The following GAK variants were observed in gnomAD, a reference collection of about 807,000 sequenced individuals.
GAK encodes the protein cyclin-G-associated kinase.
Under a neutral mutation model 143.9 loss-of-function variants are expected in GAK, and 79 were observed. The ratio of observed to expected loss-of-function variants is 0.55; its 90% CI spans 0.46 to 0.66. The LOEUF is 0.66. Among genes scored for constraint, GAK ranks in the 30% least tolerant of loss-of-function variants. The probability of loss-of-function intolerance (pLI) is 0.00; values close to 1 mark genes in which losing one functional copy is unlikely to be tolerated. For synonymous variants in GAK, 881 were observed against 765.5 expected (o/e 1.15, Z -2.49); for missense variants, 1,693 against 1,779.7 (o/e 0.95, Z 0.88).
intron 5 of GAK, among the ~76,000 whole-genome samples, chr4:902,513 A>G (rs1243490069): frequency 1.3e-5 from 2 of 148,174 alleles, no homozygotes; most frequent in African/African-American, 2.5e-5. Flanking sequence ...CAGGTGGGAG[A>G]TCACCTGGGC....
At chr4:888,742 G>T (rs1242843907) in intron 11 of GAK, 105 bp downstream of exon 11, 1 of 1,418,100 alleles carries the variant, frequency 7.1e-7, no homozygotes, top group African/African-American at 1.4e-5. Context: ...GGGCCCCTGT[G>T]GGGCCTGATG....
rs560376786 is a variant in GAK at position 859,492 on chromosome 4, G to A, written c.3283+114C>T. 26 of 1,601,492 alleles carry A rather than the reference G, an allele frequency of 1.6e-5. No individual in the cohort carries two copies. The African/African-American group carries it at 2.1e-4, about 13-fold the overall frequency. Reference sequence around the variant, plus strand: ...GGCTCACTGTGCTCTGGGCTTGGGGGTCTTAGTGAACAGAGGCAAAGACTT... The same window carrying A: ...GGCTCACTGTGCTCTGGGCTTGGGGATCTTAGTGAACAGAGGCAAAGACTT... On this transcript the variant is annotated intron_variant, in intron 24 of 27. Transcript: ENST00000314167.
chr4:864,611 G>A lies in GAK; in HGVS notation c.3166+511C>T, dbSNP rs559339105. On this transcript the variant is annotated intron_variant, in intron 23 of 27. Transcript: ENST00000314167. ...GCTCACAGACACGACTGCTGTACGT[G>A]ACCCCCTTCCTGACAGGGCACGGGG... Among the ~76,000 whole-genome samples, 18 of 152,262 alleles carry A rather than the reference G, an allele frequency of 1.2e-4. No homozygotes were observed. The South Asian group carries it at 3.1e-3, about 26-fold the overall frequency.
chr4:856,751 G>A (rs532966332), intron 24 of GAK, among the ~76,000 whole-genome samples: 1 of 152,220 alleles, frequency 6.6e-6, no homozygotes, highest in Non-Finnish European at 1.5e-5. Flanking sequence ...CACCACAGCT[G>A]GCTAATTCTT....
rs1302756961 is a variant in GAK, at chr4:865,158, C to T, written c.3130G>A (p.Ala1044Thr). The change falls in exon 23 of 28, where the codon GCA becomes ACA. Residue 1044 changes from alanine (A) to threonine (T), a missense_variant. By Grantham distance (58) the Ala-to-Thr change is moderately conservative (BLOSUM62 0). Around this residue, in one of 2 missense-constraint regions of GAK, gnomAD observed 822 missense variants for 788.7 expected, o/e 1.04. Coordinates refer to ENST00000314167, the MANE Select transcript of GAK (RefSeq NM_005255.4). The part of the protein sequence containing the change: ...LGGWAAWTET[A>T]ASAVAPTPAT... ...GGCGTGGGGGCCACTGCCGATGCTG[C>T]AGTCTCGGTCCAGGCAGCCCATCCT... 1.2e-6 allele frequency: 2 copies of T among 1,611,998 alleles called. No homozygotes were observed. The highest frequency in any genetic ancestry group is 8.5e-7 in the Non-Finnish European group (1 of 1,179,246).
intron 26 of GAK, 46 bp from the exon 27 acceptor site, chr4:850,114 C>T: frequency 1.3e-6 from 2 of 1,511,560 alleles, no homozygotes; most frequent in Non-Finnish European, 9.0e-7. Flanking sequence ...CCTGCCTGCC[C>T]TCCTCCTCTG....
At chr4:912,541 T>TAAA in intron 3 of GAK, 194 bp downstream of exon 3, 5 of 457,460 alleles carry the variant, frequency 1.1e-5, no homozygotes, top group Admixed American at 3.6e-5. Flanking sequence ...ACCCTGGCAG[T>TAAA]AAAAAAAAAA....
intron 15 of GAK, among the ~76,000 whole-genome samples, chr4:878,527 T>C (rs1231424204): frequency 2.0e-5 from 3 of 152,228 alleles, no homozygotes; most frequent in Non-Finnish European, 2.9e-5. Context: ...GGGTGGAACG[T>C]CCTAGAACGC....
At chr4:867,757 T>C (rs993918532) in intron 20 of GAK, among the ~76,000 whole-genome samples, 2 of 149,448 alleles carry the variant, frequency 1.3e-5, no homozygotes, top group Non-Finnish European at 3.0e-5. Flanking sequence ...CCAGCACCAA[T>C]GTCCCCATGG....
intron 26 of GAK, 24 bp downstream of exon 26, chr4:850,912 A>G (rs775385885): frequency 2.5e-6 from 4 of 1,606,270 alleles, no homozygotes; most frequent in South Asian, 1.1e-5. Context: ...CTGGGCTCCC[A>G]GGAAGAGCTG....
intron 5 of GAK, among the ~76,000 whole-genome samples, chr4:899,785 C>T (rs995986443): frequency 3.9e-5 from 6 of 152,220 alleles, no homozygotes; most frequent in African/African-American, 7.2e-5. Flanking sequence ...ACGCCTGCTC[C>T]GCGGACCAGC....
At position 881,899 on chromosome 4, in the gene GAK, C is replaced by T. The variant is rs773190980; in HGVS notation, c.1661+8G>A. 12 of 1,578,270 alleles carry T rather than the reference C, an allele frequency of 7.6e-6. No homozygotes were observed. In the Admixed American group the frequency reaches 1.1e-4, roughly 14 times the overall value. ...GCTGTCCCCTGTCCCCGGAGGGCCA[C>T]GCAGTACCTTTTGTGGGATGGCCAG... On this transcript the variant is annotated splice_region_variant and intron_variant, in intron 15 of 27. Transcript: ENST00000314167.
chr4:893,543 C>T, intron 8 of GAK, 54 bp from the exon 9 acceptor site: 2 of 1,310,724 alleles, frequency 1.5e-6, no homozygotes, highest in Admixed American at 2.7e-5. Context: ...CGGGTCAGCA[C>T]CCCCTGCACT....
At chr4:850,089 G>A in intron 26 of GAK, 21 bp from the exon 27 acceptor site, 1 of 1,544,560 alleles carries the variant, frequency 6.5e-7, no homozygotes, top group Non-Finnish European at 8.8e-7. Context: ...CACGGAGCTT[G>A]CCGAGCCCTG....
chr4:852,091 G>A (rs1219188591), intron 24 of GAK, 117 bp from the exon 25 acceptor site: 6 of 896,952 alleles, frequency 6.7e-6, no homozygotes, highest in Admixed American at 4.1e-5. Context: ...ATAGAACACC[G>A]ATCACTCGAG....
At chr4:886,522 T>C (rs1157781970) in intron 11 of GAK, 2 of 152,382 alleles carry the variant, frequency 1.3e-5, no homozygotes, top group Admixed American at 1.3e-4. Context: ...ACTCTGCCTG[T>C]CCCCACAATG....
At chr4:854,260 G>T (rs1748742297) in intron 24 of GAK, among the ~76,000 whole-genome samples, 1 of 152,066 alleles carries the variant, frequency 6.6e-6, no homozygotes, top group African/African-American at 2.4e-5. Context: ...AGAGGACCCT[G>T]CGCTCTCGCC....
chr4:922,273 C>T (rs962169900), intron 1 of GAK, among the ~76,000 whole-genome samples: 12 of 151,938 alleles, frequency 7.9e-5, no homozygotes, highest in Non-Finnish European at 1.3e-4. Context: ...CCAGCACTTT[C>T]GGAGGCCGAG....
chr4:875,261 G>A (rs894616803), intron 18 of GAK, among the ~76,000 whole-genome samples: 1 of 151,900 alleles, frequency 6.6e-6, no homozygotes, highest in Non-Finnish European at 1.5e-5. Context: ...TTCCTCCAAA[G>A]GAGGAAAAAA....
Sources: gnomAD v4.1 joint callset for allele counts (sites outside exome capture counted in the v4.1 genomes callset) on GRCh38, gnomAD v4.1.1 for gene constraint, gnomAD v4.1.1 regional missense constraint, MANE v1.5 for transcripts, NCBI Gene and HGNC (gene_info 2026-07-23, HGNC 2026-07-21) for gene names.